The following ANXA2 variants were observed in gnomAD, a reference collection of about 807,000 sequenced individuals.
The protein encoded by ANXA2 is annexin II.
A neutral mutation model predicts 47.3 loss-of-function variants in ANXA2; 28 were observed. That is an observed-to-expected ratio of 0.59 (90% CI 0.44 to 0.81). The LOEUF (loss-of-function observed/expected upper bound fraction) is 0.81, where lower values mean the gene tolerates loss of function less well. Ranked by LOEUF, ANXA2 falls within the 40% of genes least tolerant of loss-of-function variation. The probability of loss-of-function intolerance (pLI) is 0.00; values close to 1 mark genes in which losing one functional copy is unlikely to be tolerated. For missense variants in ANXA2, 384 were observed against 414.3 expected (o/e 0.93, Z 0.64); for synonymous variants, 172 against 155.5 (o/e 1.11, Z -0.79).
intron 1 of ANXA2, chr15:60,393,733 G>C: frequency 5.2e-6 from 5 of 963,032 alleles, no homozygotes; most frequent in Non-Finnish European, 6.2e-6. Flanking sequence ...CTTTTTGTGT[G>C]TCTGTGCAAC....
At chr15:60,357,793 CAA>C (rs924530763) in intron 5 of ANXA2, among the ~76,000 whole-genome samples, 10 of 122,798 alleles carry the variant, frequency 8.1e-5, no homozygotes, top group Non-Finnish European at 8.7e-5. Context: ...GACCCCATCT[CAA>C]AAAAAAAAAA....
intron 3 of ANXA2, among the ~76,000 whole-genome samples, chr15:60,380,457 T>C (rs1343499489): frequency 6.9e-6 from 1 of 145,152 alleles, no homozygotes. Context: ...ATTTTCTGAG[T>C]AGTAACTTTT....
At chr15:60,393,169 C>A in intron 1 of ANXA2, 1 of 1,242,748 alleles carries the variant, frequency 8.0e-7, no homozygotes, top group Non-Finnish European at 1.0e-6. Context: ...AGGAGGGACA[C>A]ACAGCACTTG....
At chr15:60,362,217 G>A (rs1171440374) in intron 4 of ANXA2, among the ~76,000 whole-genome samples, 1 of 152,050 alleles carries the variant, frequency 6.6e-6, no homozygotes, top group Non-Finnish European at 1.5e-5. Context: ...TTGGAACTTT[G>A]AGGTTAGGTA....
intron 1 of ANXA2, among the ~76,000 whole-genome samples, chr15:60,391,576 T>C (rs543298354): frequency 2.0e-5 from 3 of 152,298 alleles, no homozygotes; most frequent in East Asian, 1.9e-4. Flanking sequence ...GCCAAAATGA[T>C]TGGGACTCAG....
intron 10 of ANXA2, 99 bp from the exon 11 acceptor site, chr15:60,351,350 A>G: frequency 8.2e-7 from 1 of 1,221,792 alleles, no homozygotes; most frequent in East Asian, 2.3e-5. Flanking sequence ...ACCAGAAGTG[A>G]CCTAATGCAA....
chr15:60,356,543 T>C (rs1285881539), intron 6 of ANXA2, among the ~76,000 whole-genome samples: 3 of 152,204 alleles, frequency 2.0e-5, no homozygotes, highest in Non-Finnish European at 4.4e-5. Context: ...TGTGAGGTGA[T>C]GGATATCTCA....
chr15:60,369,194 G>A (rs553961407), intron 3 of ANXA2, among the ~76,000 whole-genome samples: 1 of 152,148 alleles, frequency 6.6e-6, no homozygotes, highest in Non-Finnish European at 1.5e-5. Flanking sequence ...ATTTAGGAAC[G>A]GGCAGAAGAG....
At chr15:60,359,744 C>G (rs974802828) in intron 5 of ANXA2, among the ~76,000 whole-genome samples, 6 of 152,180 alleles carry the variant, frequency 3.9e-5, no homozygotes, top group African/African-American at 9.7e-5. Flanking sequence ...ACAGCTCAGA[C>G]TGTTCATAAT....
In ANXA2 at chr15:60,347,704, G is replaced by A. The variant is rs760012456; in HGVS notation, c.961-15C>T. On this transcript the variant is annotated splice_polypyrimidine_tract_variant and intron_variant, in intron 12 of 12. Transcript: ENST00000451270. ...TTAGTGTCTTGCTACAATGGCCCAG[G>A]AAAGAAAAGAAACGTGGTATCAGAA... The A allele has an allele frequency of 6.2e-7, 1 of 1,613,342 alleles. No homozygotes were observed. The highest frequency in any genetic ancestry group is 8.5e-7 in the Non-Finnish European group (1 of 1,179,388).
chr15:60,353,903 C>A (rs1163347838), intron 8 of ANXA2, among the ~76,000 whole-genome samples: 1 of 152,184 alleles, frequency 6.6e-6, no homozygotes, highest in Non-Finnish European at 1.5e-5. Context: ...ATTCCCTTGA[C>A]CCAGTCAAGC....
At chr15:60,386,687 T>C (rs1249469370) in intron 1 of ANXA2, 2 of 152,278 alleles carry the variant, frequency 1.3e-5, no homozygotes, top group Non-Finnish European at 2.9e-5. Flanking sequence ...CTGAATCTGT[T>C]GTATTTAAGA....
Position 60,380,375 on chromosome 15 carries a change from T to C in ANXA2, c.148+1967A>G, listed in dbSNP as rs559459944. Among the ~76,000 whole-genome samples the C allele has an allele frequency of 1.5e-4, 23 of 151,836 alleles. 1 individual carries two copies. The highest frequency in any genetic ancestry group is 4.8e-4 in the African/African-American group (20 of 41,346). On this transcript the variant is annotated intron_variant, in intron 3 of 12. Coordinates refer to ENST00000451270, the MANE Select transcript of ANXA2 (RefSeq NM_004039.3). ...GCCAGCATTTGAACCTGGGCTCACATACGCTCTCATCCACTATGCTCCACT... is the reference window on the plus strand; with the variant it reads ...GCCAGCATTTGAACCTGGGCTCACACACGCTCTCATCCACTATGCTCCACT...
At chr15:60,365,137 C>T (rs1271517688) in intron 3 of ANXA2, among the ~76,000 whole-genome samples, 1 of 150,806 alleles carries the variant, frequency 6.6e-6, no homozygotes, top group East Asian at 1.9e-4. Context: ...GTTCCACTGC[C>T]TTTAATCTTC....
intron 1 of ANXA2, 106 bp from the exon 2 acceptor site, chr15:60,386,192 C>T (rs969690330): frequency 3.0e-5 from 23 of 773,762 alleles, no homozygotes; most frequent in Non-Finnish European, 4.7e-5. Flanking sequence ...TTTCATCTGA[C>T]GATATTGGAG....
Position 60,354,196 on chromosome 15 carries a change from A to G in ANXA2, c.546T>C (p.Asp182=), listed in dbSNP as rs2062389725. The change falls in exon 8 of 13, where the codon GAT becomes GAC. Residue 182 remains aspartate, a synonymous_variant. Coordinates refer to ENST00000451270, the MANE Select transcript of ANXA2 (RefSeq NM_004039.3). Reference sequence around the variant, plus strand: ...TCAGTTCATAATCAATGACAGAGCCATCCTCTGCTCTTCTACCCTATGGGG... The same window carrying G: ...TCAGTTCATAATCAATGACAGAGCCGTCCTCTGCTCTTCTACCCTATGGGG... ...VALAKGRRAE[D]GSVIDYELID... 4.3e-6 allele frequency: 7 copies of G among 1,613,814 alleles called. No individual in the cohort carries two copies. Among genetic ancestry groups the G allele is most frequent in the Non-Finnish European group, 5.9e-6 (7 of 1,179,762 alleles).
intron 6 of ANXA2, 29 bp downstream of exon 6, chr15:60,357,117 G>A: frequency 6.2e-7 from 1 of 1,600,742 alleles, no homozygotes; most frequent in Non-Finnish European, 8.6e-7. Flanking sequence ...TGGGCTGAGA[G>A]GATGAATCAC....
At chr15:60,363,667 A>G (rs2062551000) in intron 4 of ANXA2, among the ~76,000 whole-genome samples, 1 of 152,224 alleles carries the variant, frequency 6.6e-6, no homozygotes, top group Non-Finnish European at 1.5e-5. Context: ...GGACAAGCAA[A>G]GGGAAAAAGC....
intron 2 of ANXA2, 196 bp from the exon 3 acceptor site, chr15:60,382,637 G>A (rs2062878795): frequency 4.5e-6 from 2 of 443,258 alleles, no homozygotes; most frequent in Non-Finnish European, 8.3e-6. Context: ...ATTCTTCAAA[G>A]GCTCAGCTAG....
Sources: gnomAD v4.1 joint callset for allele counts (sites outside exome capture counted in the v4.1 genomes callset) on GRCh38, gnomAD v4.1.1 for gene constraint, MANE v1.5 for transcripts, NCBI Gene and HGNC (gene_info 2026-07-23, HGNC 2026-07-21) for gene names.